Variants in NRXN3 observed in about 807,000 individuals in gnomAD.
The protein encoded by NRXN3 is neurexin III.
Under a neutral mutation model 137.6 loss-of-function variants are expected in NRXN3, and 32 were observed. That is an observed-to-expected ratio of 0.23 (90% CI 0.18 to 0.31). The LOEUF (loss-of-function observed/expected upper bound fraction) is 0.31. Among genes scored for constraint, NRXN3 ranks in the 10% least tolerant of loss-of-function variants. NRXN3 has a pLI of 1.00. For synonymous variants in NRXN3, 798 were observed against 784.5 expected (o/e 1.02, Z -0.29); for missense variants, 1,574 against 2,062.5 (o/e 0.76, Z 4.59).
At chr14:79,693,882 C>T (rs1038055009) in intron 18 of NRXN3, among the ~76,000 whole-genome samples, 11 of 151,724 alleles carry the variant, frequency 7.3e-5, no homozygotes, top group South Asian at 6.2e-4. Flanking sequence ...ATTTGCAAAC[C>T]GTGAGTTTCT....
intron 19 of NRXN3, among the ~76,000 whole-genome samples, chr14:79,702,433 T>G (rs2098758007): frequency 6.6e-6 from 1 of 151,962 alleles, no homozygotes; most frequent in Non-Finnish European, 1.5e-5. Flanking sequence ...CTTGACTGGA[T>G]CTCATGCACT....
At chr14:79,238,290 CTTAGA>C (rs1196808517) in intron 15 of NRXN3, among the ~76,000 whole-genome samples, 1 of 78,632 alleles carries the variant, frequency 1.3e-5, no homozygotes, top group African/African-American at 3.6e-5. Flanking sequence ...TGTATAAATA[CTTAGA>C]TTAGTTACAT....
At position 78,734,781 on chromosome 14, in the gene NRXN3, A is replaced by G. The variant is rs115508408; in HGVS notation, c.2044+19642A>G. Among the ~76,000 whole-genome samples, 1,361 of 152,308 alleles carry G rather than the reference A, an allele frequency of 8.9e-3. 29 individuals are homozygous for G. Among genetic ancestry groups the G allele is most frequent in the African/African-American group, 0.032 (1,321 of 41,578 alleles). On this transcript the variant is annotated intron_variant, in intron 8 of 20. Coordinates refer to ENST00000335750, the MANE Select transcript of NRXN3 (RefSeq NM_001330195.2). ...CCAATAGGTAAAAAGAAGTATGGCA[A>G]GTTAGAGTTCAAGGAACAGAGGGTA...
intron 15 of NRXN3, among the ~76,000 whole-genome samples, chr14:79,325,108 T>C (rs1470741182): frequency 6.6e-6 from 1 of 152,244 alleles, no homozygotes; most frequent in Non-Finnish European, 1.5e-5. Context: ...TTTGTCTTTC[T>C]CTTTTCCTAC....
chr14:79,414,004 T>C (rs1238710905), intron 15 of NRXN3, among the ~76,000 whole-genome samples: 1 of 152,068 alleles, frequency 6.6e-6, no homozygotes, highest in Non-Finnish European at 1.5e-5. Flanking sequence ...GCTCTGATAT[T>C]AACATAGCTG....
chr14:79,310,900 C>T (rs1169827237), intron 15 of NRXN3, among the ~76,000 whole-genome samples: 2 of 84,672 alleles, frequency 2.4e-5, no homozygotes, highest in Non-Finnish European at 4.2e-5. Flanking sequence ...TTGACTTCCT[C>T]TTTTCCTAAT....
intron 1 of NRXN3, among the ~76,000 whole-genome samples, chr14:78,208,149 G>A (rs2062393216): frequency 6.6e-6 from 1 of 152,182 alleles, no homozygotes; most frequent in African/African-American, 2.4e-5. Context: ...GATTCAATGA[G>A]TTAATATTTG....
intron 6 of NRXN3, among the ~76,000 whole-genome samples, chr14:78,700,571 G>A (rs1171595238): frequency 6.6e-6 from 1 of 152,118 alleles, no homozygotes; most frequent in African/African-American, 2.4e-5. Flanking sequence ...CTATCTCGGA[G>A]AACTACACCC....
chr14:78,966,503 C>G (rs1436892747), intron 12 of NRXN3, 97 bp downstream of exon 12: 8 of 1,274,188 alleles, frequency 6.3e-6, no homozygotes, highest in Admixed American at 2.2e-5. Context: ...ATTCTACTCC[C>G]TACCCTCCAT....
At chr14:78,930,307 C>A (rs1392006319) in intron 10 of NRXN3, among the ~76,000 whole-genome samples, 1 of 152,164 alleles carries the variant, frequency 6.6e-6, no homozygotes, top group Non-Finnish European at 1.5e-5. Flanking sequence ...AGTGGATTAA[C>A]AAGAAAATCC....
chr14:79,651,502 G>A (rs1005702416), intron 16 of NRXN3, among the ~76,000 whole-genome samples: 2 of 151,986 alleles, frequency 1.3e-5, no homozygotes, highest in Admixed American at 1.3e-4. Context: ...ACATAAAGAT[G>A]CATTTTCTTC....
chr14:78,200,802 A>G (rs1020846946), intron 1 of NRXN3, among the ~76,000 whole-genome samples: 1 of 152,206 alleles, frequency 6.6e-6, no homozygotes, highest in Non-Finnish European at 1.5e-5. Context: ...CATCCTTGTC[A>G]TGCAAAGAAC....
At chr14:78,276,632 C>T (rs1353683769) in intron 2 of NRXN3, among the ~76,000 whole-genome samples, 1 of 152,146 alleles carries the variant, frequency 6.6e-6, no homozygotes, top group East Asian at 1.9e-4. Context: ...AATGATGGGT[C>T]CAAGGCCACA....
At chr14:78,898,261 C>T (rs959935942) in intron 10 of NRXN3, among the ~76,000 whole-genome samples, 2 of 151,870 alleles carry the variant, frequency 1.3e-5, no homozygotes, top group East Asian at 3.9e-4. Flanking sequence ...TTGTTCAGGA[C>T]TGGGGACTAT....
chr14:79,718,818 CTCA>C (rs1567997740), intron 19 of NRXN3, among the ~76,000 whole-genome samples: 1 of 152,040 alleles, frequency 6.6e-6, no homozygotes, highest in African/African-American at 2.4e-5. Context: ...TAAAGTACTT[CTCA>C]TCATCAACCC....
chr14:79,145,454 A>G (rs2153011226), intron 15 of NRXN3, among the ~76,000 whole-genome samples: 1 of 152,190 alleles, frequency 6.6e-6, no homozygotes, highest in East Asian at 1.9e-4. Flanking sequence ...CTATTTTTTT[A>G]CCCCAGAGTG....
chr14:78,645,500 T>C, intron 5 of NRXN3, 79 bp downstream of exon 5: 1 of 1,280,214 alleles, frequency 7.8e-7, no homozygotes, highest in Non-Finnish European at 1.1e-6. Context: ...AGGTGATGGG[T>C]GTGAGGTGGA....
intron 8 of NRXN3, among the ~76,000 whole-genome samples, chr14:78,780,105 A>G (rs947262051): frequency 1.3e-5 from 2 of 152,212 alleles, no homozygotes; most frequent in Non-Finnish European, 2.9e-5. Context: ...CATCGACACA[A>G]AATAGGCACA....
intron 15 of NRXN3, among the ~76,000 whole-genome samples, chr14:79,122,898 G>A (rs900545433): frequency 1.3e-5 from 2 of 152,044 alleles, no homozygotes; most frequent in Admixed American, 6.6e-5. Flanking sequence ...GATTCAAACA[G>A]CAGCTTTATA....
Sources: allele counts gnomAD v4.1 joint callset (sites outside exome capture counted in the v4.1 genomes callset), GRCh38; gene constraint gnomAD v4.1.1; transcripts MANE v1.5; gene names NCBI Gene and HGNC (gene_info 2026-07-23, HGNC 2026-07-21).